The following ACSS1 variants were observed in gnomAD, a reference collection of about 807,000 sequenced individuals.
The protein encoded by ACSS1 is acyl-CoA synthetase short chain family member 1, also known as acetyl-coenzyme A synthetase 2-like, mitochondrial.
ACSS1 carries 42 observed loss-of-function variants against 75.3 expected under a neutral mutation model. The observed-to-expected ratio is 0.56, with a 90% CI of 0.44 to 0.72. ACSS1 has a LOEUF of 0.72. Among genes scored for constraint, ACSS1 ranks in the 30% least tolerant of loss-of-function variants. The probability of loss-of-function intolerance (pLI) is 0.00; values close to 1 mark genes in which losing one functional copy is unlikely to be tolerated. For missense variants in ACSS1, 782 were observed against 935.7 expected, an observed-to-expected ratio of 0.84 and a Z score of 2.14; for synonymous variants, 380 against 376.8, an observed-to-expected ratio of 1.01 and a Z score of -0.10.
Position 25,033,225 on chromosome 20 carries a change from G to A in ACSS1, c.432-2267C>T, listed in dbSNP as rs559643731. 3.0e-4 allele frequency among the ~76,000 whole-genome samples: 42 copies of A among 139,070 alleles called. 1 individual carries two copies. The South Asian group carries it at 9.3e-3, about 31-fold the overall frequency. 91.2% of individuals were successfully genotyped at this position (139,070 alleles called of 152,430 possible). On this transcript the variant is annotated intron_variant, in intron 2 of 13. Transcript: ENST00000323482. ...AAGCCTCGCTGCTACCAGAGATGAAGGCTTGAATTATGCTCACCAGTTAAA... is the reference window on the plus strand; with the variant it reads ...AAGCCTCGCTGCTACCAGAGATGAAAGCTTGAATTATGCTCACCAGTTAAA...
At chr20:25,048,818 C>T (rs932821113) in intron 1 of ACSS1, among the ~76,000 whole-genome samples, 1 of 152,242 alleles carries the variant, frequency 6.6e-6, no homozygotes, top group Non-Finnish European at 1.5e-5. Flanking sequence ...CACACATGAC[C>T]CTCCGGCAGA....
At chr20:25,012,455 T>G in intron 12 of ACSS1, 146 bp downstream of exon 12, 1 of 1,018,102 alleles carries the variant, frequency 9.8e-7, no homozygotes, top group East Asian at 2.4e-5. Context: ...TCCCCTACAG[T>G]TTCCACTTGA....
intron 12 of ACSS1, chr20:25,012,336 C>T (rs1432086485): frequency 5.6e-6 from 3 of 532,424 alleles, no homozygotes; most frequent in South Asian, 4.2e-5. Flanking sequence ...ACCCCCCAAG[C>T]TTAGCCAAGC....
intron 2 of ACSS1, among the ~76,000 whole-genome samples, chr20:25,038,889 A>G (rs986444770): frequency 5.9e-5 from 9 of 151,960 alleles, no homozygotes; most frequent in African/African-American, 1.7e-4. Context: ...CCTGCTGGCT[A>G]CCCAAGCTTC....
chr20:25,035,543 C>A (rs185701345), intron 2 of ACSS1, among the ~76,000 whole-genome samples: 249 of 152,108 alleles, frequency 1.6e-3, no homozygotes, highest in Non-Finnish European at 2.7e-3. Flanking sequence ...GTAGCTGGGA[C>A]TACAGGCGTG....
At chr20:25,013,838 G>A (rs188024954) in intron 9 of ACSS1, 123 bp downstream of exon 9, 23 of 1,321,678 alleles carry the variant, frequency 1.7e-5, no homozygotes, top group African/African-American at 4.4e-5. Context: ...TGCAGTGAAC[G>A]CTGCAAGGTC....
At chr20:25,021,641 G>C (rs982532290) in intron 5 of ACSS1, 105 bp from the exon 6 acceptor site, 16 of 1,426,466 alleles carry the variant, frequency 1.1e-5, no homozygotes, top group African/African-American at 2.9e-5. Context: ...CCATAGCTGT[G>C]AGAGGCAGCT....
At chr20:25,010,288 C>T (rs1230479931) in intron 12 of ACSS1, 2 of 152,436 alleles carry the variant, frequency 1.3e-5, no homozygotes, top group African/African-American at 4.8e-5. Flanking sequence ...GATCATCTTT[C>T]TTGCTCTTTG....
At chr20:25,039,897 G>A (rs773580382) in intron 2 of ACSS1, among the ~76,000 whole-genome samples, 42 of 152,218 alleles carry the variant, frequency 2.8e-4, no homozygotes, top group Non-Finnish European at 5.3e-4. Context: ...ATGACTGCGG[G>A]AACCAGGTGT....
intron 2 of ACSS1, among the ~76,000 whole-genome samples, chr20:25,034,465 G>A (rs755528072): frequency 2.0e-5 from 3 of 152,080 alleles, no homozygotes; most frequent in African/African-American, 7.2e-5. Flanking sequence ...GACGGCACTC[G>A]ATCTCAGTAG....
At chr20:25,036,996 A>AAAGGAAGGAAGGAAGGAAGGAAG (rs1568843562) in intron 2 of ACSS1, among the ~76,000 whole-genome samples, 12 of 79,236 alleles carry the variant, frequency 1.5e-4, no homozygotes, top group Admixed American at 7.6e-4. Context: ...AAAGAAAGAA[A>AAAGGAAGGAAGGAAGGAAGGAAG]GAAGAAAGAA....
At chr20:25,008,678 C>CT (rs2088352494) in intron 13 of ACSS1, among the ~76,000 whole-genome samples, 1 of 152,318 alleles carries the variant, frequency 6.6e-6, no homozygotes, top group East Asian at 1.9e-4. Context: ...CTGATTCTGA[C>CT]CCCCTGGGTT....
chr20:25,017,943 G>C (rs1183757074), intron 7 of ACSS1, among the ~76,000 whole-genome samples: 2 of 152,124 alleles, frequency 1.3e-5, no homozygotes, highest in Non-Finnish European at 2.9e-5. Flanking sequence ...AGTTTCTATG[G>C]CCCTGGCCAC....
At position 25,006,903 on chromosome 20, in the gene ACSS1, A is replaced by G. The variant is rs982606531; in HGVS notation, c.*859T>C. On this transcript the variant is annotated 3_prime_UTR_variant, in exon 14 of 14. Transcript: ENST00000323482. Reference sequence around the variant, plus strand: ...ACCTGAGTTTCTAATAGCTTCCCTGAAGAACCCAACTATTTGGAGTATGTT... The same window carrying G: ...ACCTGAGTTTCTAATAGCTTCCCTGGAGAACCCAACTATTTGGAGTATGTT... The G allele has an allele frequency of 6.5e-6, 10 of 1,535,370 alleles. No individual in the cohort carries two copies. Among genetic ancestry groups the G allele is most frequent in the Non-Finnish European group, 8.7e-6 (10 of 1,146,752 alleles).
At position 25,030,859 on chromosome 20, in the gene ACSS1, C is replaced by T. The variant is rs767287364; in HGVS notation, c.531G>A (p.Leu177=). The change falls in exon 3 of 14, where the codon TTG becomes TTA. Residue 177 remains leucine (L), a synonymous_variant. Transcript: ENST00000323482. ...CACAGGCCAGCATTGCTGCCACAGC[C>T]AATGGGGACACGGGCATGTAGATGG... is the stretch of plus-strand genomic sequence containing the variant. The part of the protein sequence containing the change: ...RVAIYMPVSP[L]AVAAMLACAR... 1.2e-6 allele frequency: 2 copies of T among 1,614,228 alleles called. No homozygotes were observed. The highest frequency in any genetic ancestry group is 1.7e-6 in the Non-Finnish European group (2 of 1,180,042).
chr20:25,033,766 CT>C (rs1400048741), intron 2 of ACSS1, among the ~76,000 whole-genome samples: 2 of 152,190 alleles, frequency 1.3e-5, no homozygotes, highest in Non-Finnish European at 2.9e-5. Flanking sequence ...GGTACAGCCA[CT>C]GGGGGTGGCA....
intron 12 of ACSS1, chr20:25,010,530 C>T (rs1023269841): frequency 6.6e-6 from 1 of 152,314 alleles, no homozygotes; most frequent in African/African-American, 2.4e-5. Flanking sequence ...ATTCATCCCT[C>T]AAGACTCAGT....
chr20:25,009,431 A>T (rs1487342908), intron 12 of ACSS1, 43 bp from the exon 13 acceptor site: 4 of 1,530,280 alleles, frequency 2.6e-6, no homozygotes, highest in Non-Finnish European at 3.6e-6. Flanking sequence ...AATACTAGAC[A>T]AGGAGCCAAC....
intron 8 of ACSS1, among the ~76,000 whole-genome samples, chr20:25,014,661 G>A (rs376861413): frequency 2.6e-4 from 39 of 152,288 alleles, no homozygotes; most frequent in East Asian, 2.1e-3. Flanking sequence ...CCCAAGAGAA[G>A]GGGGGACAAA....
Sources: gnomAD v4.1 joint callset for allele counts (sites outside exome capture counted in the v4.1 genomes callset) on GRCh38, gnomAD v4.1.1 for gene constraint, MANE v1.5 for transcripts, NCBI Gene and HGNC (gene_info 2026-07-23, HGNC 2026-07-21) for gene names.